NFIC: variants seen among roughly 807,000 people sequenced by gnomAD.
The protein encoded by NFIC is nuclear factor 1 C-type.
In NFIC, 12 loss-of-function variants were observed where a neutral mutation model predicts 54.4. That is an observed-to-expected ratio of 0.22 (90% confidence interval 0.14 to 0.36). The LOEUF (loss-of-function observed/expected upper bound fraction) is 0.36, where lower values mean the gene tolerates loss of function less well. Ranked by LOEUF, NFIC falls within the 10% of genes least tolerant of loss-of-function variation. The pLI is 1.00. For missense variants in NFIC, 575 were observed against 718.2 expected, an observed-to-expected ratio of 0.80 and a Z score of 2.28; for synonymous variants, 322 against 319.2, an observed-to-expected ratio of 1.01 and a Z score of -0.09.
rs8105687 is a variant in NFIC at position 3,452,685 on chromosome 19, A to T, written c.1269+19A>T. ...TGGACCGGTGAGTTGGGCGGGGCGCATTCGGGCCTCTCCTGGCGGCTCCAG... is the reference window on the plus strand; with the variant it reads ...TGGACCGGTGAGTTGGGCGGGGCGCTTTCGGGCCTCTCCTGGCGGCTCCAG... On this transcript the variant is annotated intron_variant, in intron 8 of 10. Coordinates refer to ENST00000443272, the MANE Select transcript of NFIC (RefSeq NM_001245002.2). This position sits in a 1 kb window ranked among gnomAD's most constrained non-coding sequence, Gnocchi z 5.3. The T allele has an allele frequency of 7.6e-6, 12 of 1,575,702 alleles. No individual in the cohort carries two copies. The African/African-American group carries it at 8.1e-5, about 11-fold the overall frequency.
chr19:3,403,199 G>GT (rs1425155367), intron 2 of NFIC, among the ~76,000 whole-genome samples: 2 of 152,170 alleles, frequency 1.3e-5, no homozygotes, highest in East Asian at 3.9e-4. Flanking sequence ...GCAGGCTCTG[G>GT]GGAGAGAGGC....
At chr19:3,449,649 A>C (rs1264566427) in intron 7 of NFIC, among the ~76,000 whole-genome samples, 1 of 151,458 alleles carries the variant, frequency 6.6e-6, no homozygotes. Flanking sequence ...AGTCCCAGCT[A>C]CTGGGGAGGC....
intron 6 of NFIC, among the ~76,000 whole-genome samples, chr19:3,446,729 C>G (rs566449806): frequency 2.0e-5 from 3 of 152,190 alleles, no homozygotes; most frequent in African/African-American, 7.2e-5. Context: ...CCTTAGCCCT[C>G]ACTTGAAAAA....
chr19:3,428,383 C>A (rs1417424644), intron 3 of NFIC, among the ~76,000 whole-genome samples: 1 of 149,406 alleles, frequency 6.7e-6, no homozygotes, highest in Non-Finnish European at 1.5e-5. Flanking sequence ...CAGGAGGAGG[C>A]GGAGGTTGCA....
chr19:3,377,055 A>G (rs2081120372), intron 1 of NFIC, among the ~76,000 whole-genome samples: 1 of 151,324 alleles, frequency 6.6e-6, no homozygotes, highest in Non-Finnish European at 1.5e-5. Context: ...TAAAAAAAAA[A>G]GTAATAAAAA....
intron 2 of NFIC, among the ~76,000 whole-genome samples, chr19:3,410,439 C>A (rs747319861): frequency 2.6e-5 from 4 of 152,116 alleles, no homozygotes; most frequent in Non-Finnish European, 5.9e-5. Flanking sequence ...CAGGCAGAGG[C>A]GCAGCCCGTG....
chr19:3,427,921 G>A (rs1486600695), intron 3 of NFIC, among the ~76,000 whole-genome samples: 2 of 152,018 alleles, frequency 1.3e-5, no homozygotes, highest in Non-Finnish European at 1.5e-5. Context: ...TGTAATCCCA[G>A]CACTTTGGGG....
intron 2 of NFIC, among the ~76,000 whole-genome samples, chr19:3,424,066 C>T (rs1160956852): frequency 3.9e-5 from 6 of 152,006 alleles, no homozygotes; most frequent in East Asian, 1.9e-4. Context: ...TTGCTCTTGT[C>T]GCCCAGACTG....
At chr19:3,364,401 C>T (rs2080855819), upstream of NFIC, among the ~76,000 whole-genome samples, 1 of 152,210 alleles carries the variant, frequency 6.6e-6, no homozygotes, top group East Asian at 1.9e-4. Flanking sequence ...AGAGACGAAG[C>T]TGCTGACTGG....
chr19:3,404,149 C>A (rs918642180), intron 2 of NFIC, among the ~76,000 whole-genome samples: 1 of 152,130 alleles, frequency 6.6e-6, no homozygotes, highest in Non-Finnish European at 1.5e-5. Flanking sequence ...CCCCCCCCGT[C>A]ACAGCCGCCG....
At chr19:3,413,498 C>T (rs1478583310) in intron 2 of NFIC, among the ~76,000 whole-genome samples, 3 of 152,086 alleles carry the variant, frequency 2.0e-5, no homozygotes, top group Non-Finnish European at 2.9e-5. Flanking sequence ...TAGCTTTGTG[C>T]CTCAGTTTCC....
At chr19:3,442,990 G>T (rs1214441214) in intron 6 of NFIC, among the ~76,000 whole-genome samples, 6 of 152,262 alleles carry the variant, frequency 3.9e-5, no homozygotes, top group Non-Finnish European at 1.5e-5. Flanking sequence ...ATCTGTGGTT[G>T]TCACAACTGG....
intron 6 of NFIC, among the ~76,000 whole-genome samples, chr19:3,435,705 G>T (rs2082190242): frequency 6.6e-6 from 1 of 151,982 alleles, no homozygotes; most frequent in African/African-American, 2.4e-5. Context: ...TGGTTCTGCA[G>T]GAGACTCGTC....
intron 2 of NFIC, among the ~76,000 whole-genome samples, chr19:3,386,994 G>C (rs2081307180): frequency 6.6e-6 from 1 of 152,216 alleles, no homozygotes; most frequent in South Asian, 2.1e-4. Context: ...CGAACCGAGA[G>C]TCCCCTTGGC....
At chr19:3,429,136 TAC>T (rs57006287) in intron 3 of NFIC, among the ~76,000 whole-genome samples, 32,289 of 83,198 alleles carry the variant, frequency 0.39, 7,362 homozygotes, top group Middle Eastern at 0.53. Context: ...AAAAAAAATA[TAC>T]ACACACACAC....
rs1052360779 is a variant in NFIC, at chr19:3,467,821, A to T, written c.*5052A>T. ...GAATTTGTTTCTCATAATACAGAAT[A>T]TATAGTGGCTACCTTGTATCTTGGT... On this transcript the variant is annotated 3_prime_UTR_variant, in exon 11 of 11. Transcript: ENST00000443272. 1 of 134,832 alleles carries T rather than the reference A, an allele frequency of 7.4e-6. No individual in the cohort carries two copies. Among genetic ancestry groups the T allele is most frequent in the South Asian group, 2.4e-4 (1 of 4,164 alleles). 8.4% of individuals were successfully genotyped at this position (134,832 alleles called of 1,614,324 possible). A position where few individuals can be genotyped will look rare whatever the true frequency, so the allele number is the denominator to read the frequency against.
intron 6 of NFIC, among the ~76,000 whole-genome samples, chr19:3,437,318 A>C (rs1163276813): frequency 2.0e-5 from 3 of 151,622 alleles, no homozygotes; most frequent in African/African-American, 7.3e-5. Context: ...CAGTGAGCTG[A>C]GATGGCGCCA....
At chr19:3,435,809 GTCTTTCTTTCTTTCTT>G (rs10567490) in intron 6 of NFIC, among the ~76,000 whole-genome samples, 1 of 147,562 alleles carries the variant, frequency 6.8e-6, no homozygotes, top group African/African-American at 2.6e-5. Flanking sequence ...TCTCTGGGGT[GTCTTTCTTTCTTTCTT>G]TCTTTCTTTC....
rs1258009620 is a variant in NFIC, at chr19:3,369,210, C to G, written c.30+2544C>G. ...CTGTCCGATGTGTCTCTGTCTGTTT[C>G]TCTGTCTCTGTCTCTCTGCCCCCTT... On this transcript the variant is annotated intron_variant, in intron 1 of 10. Coordinates refer to ENST00000443272, the MANE Select transcript of NFIC (RefSeq NM_001245002.2). This position sits in a 1 kb window ranked among gnomAD's most constrained non-coding sequence, Gnocchi z 4.3. Among the ~76,000 whole-genome samples the G allele has an allele frequency of 6.6e-6, 1 of 151,924 alleles. No individual in the cohort carries two copies. The highest frequency in any genetic ancestry group is 6.6e-5 in the Admixed American group (1 of 15,228).
Sources: allele counts gnomAD v4.1 joint callset (sites outside exome capture counted in the v4.1 genomes callset), GRCh38; gene constraint gnomAD v4.1.1; non-coding constraint Gnocchi (gnomAD v3.1); transcripts MANE v1.5; gene names NCBI Gene and HGNC (gene_info 2026-07-23, HGNC 2026-07-21).